The following ZNF782 variants were observed in gnomAD, a reference collection of about 807,000 sequenced individuals.
ZNF782 encodes the protein zinc finger protein 782.
A neutral mutation model predicts 13.0 loss-of-function variants in ZNF782; 12 were observed. That is an observed-to-expected ratio of 0.92 (90% CI 0.59 to 1.50). ZNF782 has a LOEUF of 1.50. Ranked by LOEUF, ZNF782 falls within the 40% of genes most tolerant of loss-of-function variation. The pLI is 0.00. For synonymous variants in ZNF782, 284 were observed against 283.0 expected (o/e 1.00, Z -0.04); for missense variants, 770 against 822.9 (o/e 0.94, Z 0.79).
At chr9:96,921,220 A>AT in the ZNF782 span, among the ~76,000 whole-genome samples, 116 of 146,632 alleles carry the variant, frequency 7.9e-4, no homozygotes, top group South Asian at 2.6e-3. Flanking sequence ...GTCCAAAATA[A>AT]TTTTTTTTTT....
intron 5 of ZNF782, 85 bp from the exon 6 acceptor site, chr9:96,819,863 T>G: frequency 1.8e-6 from 2 of 1,082,446 alleles, no homozygotes; most frequent in Non-Finnish European, 1.2e-6. Flanking sequence ...TATGCCCTAT[T>G]ATGTATTTGA....
At chr9:96,831,806 CTGATAT>C (rs1850811419) in intron 4 of ZNF782, among the ~76,000 whole-genome samples, 1 of 151,626 alleles carries the variant, frequency 6.6e-6, no homozygotes, top group South Asian at 2.1e-4. Flanking sequence ...TCTGTTTTAT[CTGATAT>C]TAACATAGCC....
chr9:96,822,305 A>T (rs1850449442), intron 5 of ZNF782, among the ~76,000 whole-genome samples: 1 of 152,012 alleles, frequency 6.6e-6, no homozygotes, highest in African/African-American at 2.4e-5. Context: ...GTTATATTGC[A>T]TGGACTCAAT....
At chr9:96,828,063 G>C (rs1380131433) in intron 4 of ZNF782, among the ~76,000 whole-genome samples, 2 of 152,188 alleles carry the variant, frequency 1.3e-5, no homozygotes, top group East Asian at 1.9e-4. Context: ...AAATGTTGGA[G>C]ATCTGCAGAA....
intron 5 of ZNF782, among the ~76,000 whole-genome samples, chr9:96,823,946 C>T (rs7865370): frequency 0.17 from 25,988 of 152,024 alleles, 5,377 homozygotes; most frequent in African/African-American, 0.48. Flanking sequence ...CAGGACCAGA[C>T]AGATTCACAG....
At chr9:96,830,168 G>A (rs1227847599) in intron 4 of ZNF782, among the ~76,000 whole-genome samples, 1 of 151,538 alleles carries the variant, frequency 6.6e-6, no homozygotes, top group Non-Finnish European at 1.5e-5. Flanking sequence ...AAAACTTTTA[G>A]ACAACGACTG....
the ZNF782 span, among the ~76,000 whole-genome samples, chr9:96,886,934 A>C: frequency 6.6e-5 from 10 of 150,820 alleles, no homozygotes; most frequent in Middle Eastern, 0.014. Flanking sequence ...AAAAAAAAAA[A>C]AAAACTATAA....
the ZNF782 span, among the ~76,000 whole-genome samples, chr9:96,911,510 G>GGTTTTT: frequency 1.5e-4 from 16 of 109,686 alleles, no homozygotes; most frequent in Non-Finnish European, 3.1e-4. Context: ...TTTTTTTTTT[G>GGTTTTT]TTTTTGTTTT....
rs550807709 is a variant in ZNF782 at position 96,831,553 on chromosome 9, C to CA, written c.143-4373dup. 1.3e-3 allele frequency among the ~76,000 whole-genome samples: 198 copies of CA among 148,172 alleles called. 2 individuals are homozygous for CA. The South Asian group carries it at 0.02, about 15-fold the overall frequency. On this transcript the variant is annotated intron_variant, in intron 4 of 5. Transcript: ENST00000481138. ...TGAAACTCTCTCTCTACTAAAAATA[C>CA]AAAAAAAAAATTAGCTGGACATGGT...
upstream of ZNF782, among the ~76,000 whole-genome samples, chr9:96,854,918 T>A (rs966103586): frequency 6.6e-6 from 1 of 152,134 alleles, no homozygotes; most frequent in African/African-American, 2.4e-5. Flanking sequence ...GAAATTTTTT[T>A]TTTAAAAAAA....
At chr9:96,898,850 A>G in the ZNF782 span, among the ~76,000 whole-genome samples, 1 of 149,074 alleles carries the variant, frequency 6.7e-6, no homozygotes, top group Non-Finnish European at 1.5e-5. Flanking sequence ...CTGGGATTAC[A>G]GGCGTGAGCC....
At chr9:96,823,627 A>C (rs1850501266) in intron 5 of ZNF782, among the ~76,000 whole-genome samples, 1 of 152,238 alleles carries the variant, frequency 6.6e-6, no homozygotes, top group Non-Finnish European at 1.5e-5. Flanking sequence ...AGATTACGCT[A>C]TAGAGGTAGG....
chr9:96,819,211 T>C lies in ZNF782; in HGVS notation c.812A>G (p.Tyr271Cys), dbSNP rs35699142. The C allele has an allele frequency of 7.9e-4, 1,273 of 1,611,584 alleles. 8 individuals are homozygous for C. The African/African-American group carries it at 0.015, about 19-fold the overall frequency. Residue 271 changes from tyrosine (Y) to cysteine (C), a missense_variant, in exon 6 of 6, where the codon TAT becomes TGT. Coordinates refer to ENST00000481138, the MANE Select transcript of ZNF782 (RefSeq NM_001001662.3). Reference protein sequence around the residue: ...PQNMNPEKSHYEFNDTGNCFC... With the variant: ...PQNMNPEKSHCEFNDTGNCFC... ...ACAATTTCCAGTATCATTAAACTCA[T>C]AGTGACTCTTCTCTGGATTCATGTT...
chr9:96,893,323 C>A, the ZNF782 span: 6 of 152,142 alleles, frequency 3.9e-5, no homozygotes, highest in African/African-American at 1.4e-4. Flanking sequence ...GCAGCAAATT[C>A]CAACTCATAG....
the ZNF782 span, among the ~76,000 whole-genome samples, chr9:96,927,248 T>C: frequency 2.0e-5 from 3 of 152,204 alleles, no homozygotes; most frequent in African/African-American, 7.2e-5. Flanking sequence ...AGAATGGGGA[T>C]GGGACATTGG....
At chr9:96,861,874 A>G (rs978965441) in intron 1 of ZNF782, among the ~76,000 whole-genome samples, 6 of 152,228 alleles carry the variant, frequency 3.9e-5, no homozygotes, top group Non-Finnish European at 8.8e-5. Context: ...AACTAAAAAT[A>G]GAGCTACCAT....
upstream of ZNF782, among the ~76,000 whole-genome samples, chr9:96,876,545 T>C (rs544058128): frequency 4.6e-5 from 7 of 152,304 alleles, no homozygotes; most frequent in South Asian, 2.1e-4. Flanking sequence ...TTAAGGTACA[T>C]ACAAATATGT....
chr9:96,902,580 T>C, the ZNF782 span, among the ~76,000 whole-genome samples: 2 of 133,978 alleles, frequency 1.5e-5, no homozygotes, highest in Non-Finnish European at 3.1e-5. Flanking sequence ...GCAGAAAAAA[T>C]TCTTTGCAAA....
chr9:96,849,836 T>C (rs777388384), intron 3 of ZNF782, among the ~76,000 whole-genome samples: 6 of 151,422 alleles, frequency 4.0e-5, no homozygotes, highest in Non-Finnish European at 8.8e-5. Context: ...CATAAAAAAG[T>C]GGACAAAGGA....
Sources: allele counts gnomAD v4.1 joint callset (sites outside exome capture counted in the v4.1 genomes callset), GRCh38; gene constraint gnomAD v4.1.1; transcripts MANE v1.5; gene names NCBI Gene and HGNC (gene_info 2026-07-23, HGNC 2026-07-21).